The following GOLIM4 variants were observed in gnomAD, a reference collection of about 807,000 sequenced individuals.
GOLIM4 encodes the protein 130 kDa golgi-localized phosphoprotein.
A neutral mutation model predicts 107.4 loss-of-function variants in GOLIM4; 71 were observed. The observed-to-expected ratio is 0.66, with a 90% confidence interval of 0.55 to 0.81. The LOEUF (loss-of-function observed/expected upper bound fraction) is 0.81, where lower values mean the gene tolerates loss of function less well. Ranked by LOEUF, GOLIM4 falls within the 30% of genes least tolerant of loss-of-function variation. GOLIM4 has a pLI of 0.00. For missense variants in GOLIM4, 830 were observed against 826.1 expected, an observed-to-expected ratio of 1.00 and a Z score of -0.06; for synonymous variants, 327 against 294.8, an observed-to-expected ratio of 1.11 and a Z score of -1.12.
At chr3:168,022,588 G>C (rs1359666002) in intron 14 of GOLIM4, among the ~76,000 whole-genome samples, 1 of 152,136 alleles carries the variant, frequency 6.6e-6, no homozygotes, top group African/African-American at 2.4e-5. Context: ...GGGAACGATG[G>C]ACAGAGGTGG....
intron 1 of GOLIM4, among the ~76,000 whole-genome samples, chr3:168,062,261 ATC>A (rs1314655029): frequency 6.6e-6 from 1 of 152,110 alleles, no homozygotes. Context: ...CATTAGTGGA[ATC>A]TCTGTCTGGT....
intron 8 of GOLIM4, among the ~76,000 whole-genome samples, chr3:168,035,458 A>G (rs906148058): frequency 1.3e-5 from 2 of 152,224 alleles, no homozygotes; most frequent in African/African-American, 2.4e-5. Context: ...ATGGAATACT[A>G]TGCAGTCATA....
At chr3:168,012,726 G>A (rs923075206) in intron 14 of GOLIM4, among the ~76,000 whole-genome samples, 1 of 152,002 alleles carries the variant, frequency 6.6e-6, no homozygotes, top group East Asian at 1.9e-4. Flanking sequence ...GAGAGTGGGG[G>A]CCAATATTCA....
chr3:168,083,933 C>T (rs1265152641), intron 1 of GOLIM4, among the ~76,000 whole-genome samples: 4 of 152,166 alleles, frequency 2.6e-5, no homozygotes, highest in African/African-American at 9.7e-5. Context: ...TGAGATACCA[C>T]TTCCAAGATT....
At chr3:168,018,633 T>C (rs1444241741) in intron 14 of GOLIM4, among the ~76,000 whole-genome samples, 2 of 152,228 alleles carry the variant, frequency 1.3e-5, no homozygotes, top group African/African-American at 2.4e-5. Flanking sequence ...TAGAACCTCA[T>C]AGTGACATTC....
In GOLIM4 at chr3:168,095,296, G is replaced by A. The variant is rs757230199; in HGVS notation, c.-11C>T. The A allele has an allele frequency of 3.6e-5, 58 of 1,609,802 alleles. No homozygotes were observed. Among genetic ancestry groups the A allele is most frequent in the Admixed American group, 3.0e-4 (18 of 59,780 alleles). On this transcript the variant is annotated 5_prime_UTR_variant, in exon 1 of 16. Coordinates refer to ENST00000470487, the MANE Select transcript of GOLIM4 (RefSeq NM_014498.5). ...CATCCCGTTTCCCATAGTCCCGCCT[G>A]GACCCAAAGCCGCGGCCGCCCCCGC...
chr3:168,043,282 A>C, intron 5 of GOLIM4, 97 bp downstream of exon 5: 1 of 781,488 alleles, frequency 1.3e-6, no homozygotes, highest in South Asian at 1.9e-5. Flanking sequence ...GATAAATGTA[A>C]ATCGATCACC....
chr3:168,030,186 A>T, intron 9 of GOLIM4, 150 bp from the exon 10 acceptor site: 1 of 758,462 alleles, frequency 1.3e-6, no homozygotes, highest in Non-Finnish European at 2.0e-6. Flanking sequence ...AAGTCCAAAA[A>T]CTCCTATTTC....
At position 168,025,056 on chromosome 3, in the gene GOLIM4, T is replaced by G; in HGVS notation, c.1663A>C (p.Asn555His). The G allele has an allele frequency of 6.2e-7, 1 of 1,613,976 alleles. No homozygotes were observed. Among genetic ancestry groups the G allele is most frequent in the Non-Finnish European group, 8.5e-7 (1 of 1,179,882 alleles). Residue 555 changes from asparagine (N) to histidine (H), a missense_variant, in exon 13 of 16, where the codon AAT (asparagine) becomes CAT (histidine). By Grantham distance (68) the Asn-to-His change is moderately conservative (BLOSUM62 1). Coordinates refer to ENST00000470487, the MANE Select transcript of GOLIM4 (RefSeq NM_014498.5). ...VEDINPADDP[N>H]NQGEDEFEEA... ...TCAAATTCATCCTCACCTTGATTAT[T>G]AGGGTCATCTGCTGGGTTTATATCT...
chr3:168,029,845 T>TCTTGCCACCTGCTGCTGCTG lies in GOLIM4; in HGVS notation c.1348_1367dup (p.Arg456SerfsTer97). ...CAGCCTGCCTCTGCAGGGCCATCTCTCTTGCCACCTGCTGCTGCTGCTGTT... is the reference window on the plus strand; with the variant it reads ...CAGCCTGCCTCTGCAGGGCCATCTCTCTTGCCACCTGCTGCTGCTGCTTGCCACCTGCTGCTGCTGCTGTT... On this transcript the variant is annotated frameshift_variant, in exon 10 of 16. Transcript: ENST00000470487. LOFTEE classifies it high-confidence loss of function. 1 of 1,614,136 alleles carries TCTTGCCACCTGCTGCTGCTG rather than the reference T, an allele frequency of 6.2e-7. No homozygotes were observed. The highest frequency in any genetic ancestry group is 8.5e-7 in the Non-Finnish European group (1 of 1,180,034).
intron 1 of GOLIM4, among the ~76,000 whole-genome samples, chr3:168,085,057 G>A (rs1381298814): frequency 6.6e-6 from 1 of 152,114 alleles, no homozygotes; most frequent in African/African-American, 2.4e-5. Context: ...ACTGTCTTAT[G>A]GTAAACTATG....
intron 12 of GOLIM4, among the ~76,000 whole-genome samples, chr3:168,026,984 G>T (rs1718026120): frequency 6.6e-6 from 1 of 152,204 alleles, no homozygotes; most frequent in Non-Finnish European, 1.5e-5. Context: ...ATTAGCAAGA[G>T]ATGACAGGGC....
chr3:168,071,979 T>C (rs1048935513), intron 1 of GOLIM4, among the ~76,000 whole-genome samples: 2 of 152,032 alleles, frequency 1.3e-5, no homozygotes, highest in Non-Finnish European at 2.9e-5. Flanking sequence ...CTTCTGGGCG[T>C]CAAATCTCGG....
intron 14 of GOLIM4, among the ~76,000 whole-genome samples, chr3:168,017,173 TG>T: frequency 6.6e-6 from 1 of 152,322 alleles, no homozygotes; most frequent in Non-Finnish European, 1.5e-5. Context: ...ATAAAACATC[TG>T]AAGACATTTA....
intron 13 of GOLIM4, 99 bp from the exon 14 acceptor site, chr3:168,024,693 GCA>G (rs1717900368): frequency 9.6e-7 from 1 of 1,039,186 alleles, no homozygotes; most frequent in Non-Finnish European, 1.5e-6. Flanking sequence ...CATGAAAAGG[GCA>G]CTTTCAAAGC....
intron 1 of GOLIM4, among the ~76,000 whole-genome samples, chr3:168,087,736 T>A (rs945660433): frequency 6.6e-6 from 1 of 152,182 alleles, no homozygotes. Flanking sequence ...TTTCTAAGCT[T>A]AGTTTCATCA....
At chr3:168,030,077 C>T in intron 9 of GOLIM4, 41 bp from the exon 10 acceptor site, 2 of 1,595,096 alleles carry the variant, frequency 1.3e-6, no homozygotes, top group Non-Finnish European at 1.7e-6. Flanking sequence ...GAGGGGTTAG[C>T]TCCTCTGGGT....
intron 1 of GOLIM4, among the ~76,000 whole-genome samples, chr3:168,064,495 G>C (rs1176370248): frequency 6.6e-6 from 1 of 152,080 alleles, no homozygotes; most frequent in African/African-American, 2.4e-5. Flanking sequence ...AGTTGAATTT[G>C]ATAGCCTGAC....
In GOLIM4 at chr3:168,095,336, G is replaced by A; in HGVS notation, c.-51C>T. 6.5e-7 allele frequency: 1 copy of A among 1,540,520 alleles called. No individual in the cohort carries two copies. The highest frequency in any genetic ancestry group is 1.1e-5 in the South Asian group (1 of 87,240). On this transcript the variant is annotated 5_prime_UTR_variant, in exon 1 of 16. Coordinates refer to ENST00000470487, the MANE Select transcript of GOLIM4 (RefSeq NM_014498.5). Reference sequence around the variant, plus strand: ...GCCGCCCCCGCCGTCTCCTCCCCTTGGTCCGAGCGAGCGTCTCAGCAGCGG... The same window carrying A: ...GCCGCCCCCGCCGTCTCCTCCCCTTAGTCCGAGCGAGCGTCTCAGCAGCGG...
Sources: allele counts gnomAD v4.1 joint callset (sites outside exome capture counted in the v4.1 genomes callset), GRCh38; gene constraint gnomAD v4.1.1; transcripts MANE v1.5; gene names NCBI Gene and HGNC (gene_info 2026-07-23, HGNC 2026-07-21).